The following LINGO1 variants were observed in gnomAD, a reference collection of about 807,000 sequenced individuals.
The protein encoded by LINGO1 is leucine-rich repeat and immunoglobulin-like domain-containing nogo receptor-interacting protein 1.
In LINGO1, 11 loss-of-function variants were observed where a neutral mutation model predicts 37.3. That is an observed-to-expected ratio of 0.29 (90% confidence interval 0.19 to 0.49). LINGO1 has a LOEUF of 0.49. Among genes scored for constraint, LINGO1 ranks in the 20% least tolerant of loss-of-function variants. LINGO1 has a pLI of 0.99. For synonymous variants in LINGO1, 387 were observed against 403.0 expected (o/e 0.96, Z 0.48); for missense variants, 585 against 878.2 (o/e 0.67, Z 4.22).
chr15:77,757,042 G>A (rs2141375760), intron 1 of LINGO1, among the ~76,000 whole-genome samples: 1 of 152,314 alleles, frequency 6.6e-6, no homozygotes, highest in African/African-American at 2.4e-5. Context: ...TGAAGCCCAA[G>A]CCTGGGAAGG....
At chr15:77,768,211 G>A (rs1283444111) in intron 1 of LINGO1, among the ~76,000 whole-genome samples, 1 of 151,980 alleles carries the variant, frequency 6.6e-6, no homozygotes, top group African/African-American at 2.4e-5. Flanking sequence ...CCACCCCTGT[G>A]GGGTTTCCAG....
intron 1 of LINGO1, among the ~76,000 whole-genome samples, chr15:77,804,960 C>A (rs2141469222): frequency 6.6e-6 from 1 of 152,322 alleles, no homozygotes; most frequent in African/African-American, 2.4e-5. Flanking sequence ...CAAGCCCAGG[C>A]CACATGGTCT....
At chr15:77,636,771 C>T (rs1053489439), upstream of LINGO1, among the ~76,000 whole-genome samples, 6 of 152,062 alleles carry the variant, frequency 3.9e-5, no homozygotes, top group African/African-American at 1.4e-4. Context: ...GGCCATGTAG[C>T]CTCCAGAAGC....
At chr15:77,744,790 G>A (rs1017483336) in intron 1 of LINGO1, among the ~76,000 whole-genome samples, 1 of 152,192 alleles carries the variant, frequency 6.6e-6, no homozygotes, top group East Asian at 1.9e-4. Flanking sequence ...GGCTCCAGAG[G>A]CCTCACCCTT....
chr15:77,732,963 G>A (rs1000866093), intron 2 of LINGO1, among the ~76,000 whole-genome samples: 1 of 152,182 alleles, frequency 6.6e-6, no homozygotes, highest in Non-Finnish European at 1.5e-5. Context: ...GCCACGGCCG[G>A]CCTCCTGGAT....
chr15:77,744,892 G>T (rs2076298175), intron 1 of LINGO1, among the ~76,000 whole-genome samples: 1 of 148,370 alleles, frequency 6.7e-6, no homozygotes. Flanking sequence ...AAAGCAGGGG[G>T]ATGACTTGAG....
chr15:77,779,114 C>A (rs1222874214), intron 1 of LINGO1, among the ~76,000 whole-genome samples: 1 of 152,138 alleles, frequency 6.6e-6, no homozygotes, highest in Non-Finnish European at 1.5e-5. Flanking sequence ...GACCTCAACA[C>A]CCCACTTTAC....
At chr15:77,660,193 C>T (rs983292509) in intron 3 of LINGO1, 1 of 152,188 alleles carries the variant, frequency 6.6e-6, no homozygotes. Context: ...GGTAAATAGG[C>T]TTAGAAATGG....
Position 77,615,280 on chromosome 15 carries a change from C to T in LINGO1, c.627G>A (p.Glu209=). 1 of 1,613,710 alleles carries T rather than the reference C, an allele frequency of 6.2e-7. No homozygotes were observed. The highest frequency in any genetic ancestry group is 2.2e-5 in the East Asian group (1 of 44,848). The change falls in exon 2 of 2, where the codon GAG becomes GAA. Residue 209 remains glutamate (E), a synonymous_variant. Coordinates refer to ENST00000355300, the MANE Select transcript of LINGO1 (RefSeq NM_032808.7). ...TGAGGCCGTGCAGGTGGGACAGCGC[C>T]TCGGTGGGGATGGAGGTCAGGTTGC... ...EKCNLTSIPT[E]ALSHLHGLIV...
At chr15:77,685,547 G>A (rs1385100691) in intron 2 of LINGO1, among the ~76,000 whole-genome samples, 1 of 152,108 alleles carries the variant, frequency 6.6e-6, no homozygotes, top group African/African-American at 2.4e-5. Flanking sequence ...ATTCAAACAC[G>A]TAGAATCCTT....
At chr15:77,714,512 C>A (rs938441337) in intron 2 of LINGO1, among the ~76,000 whole-genome samples, 1 of 152,146 alleles carries the variant, frequency 6.6e-6, no homozygotes, top group Non-Finnish European at 1.5e-5. Context: ...GCCTCCTCAT[C>A]CCCCTCACGG....
chr15:77,641,727 G>A (rs914222167), intron 3 of LINGO1: 1 of 398,688 alleles, frequency 2.5e-6, no homozygotes, highest in South Asian at 1.8e-5. Flanking sequence ...GTCAGGTGGT[G>A]CTGGGAGAGA....
Position 77,714,518 on chromosome 15 carries a change from C to T in LINGO1, c.-195+20474G>A, listed in dbSNP as rs1038721694. On this transcript the variant is annotated intron_variant, in intron 2 of 3. Transcript: ENST00000561686. ...TGCCACATAGCCTCCTCATCCCCCTCACGGTCCTCCCACAGGTGCTCCCTC... is the reference window on the plus strand; with the variant it reads ...TGCCACATAGCCTCCTCATCCCCCTTACGGTCCTCCCACAGGTGCTCCCTC... Among the ~76,000 whole-genome samples, 10 of 152,280 alleles carry T rather than the reference C, an allele frequency of 6.6e-5. No homozygotes were observed. The East Asian group carries it at 1.9e-3, about 29-fold the overall frequency.
chr15:77,677,245 T>A (rs2075343394), intron 2 of LINGO1: 1 of 152,614 alleles, frequency 6.6e-6, no homozygotes, highest in African/African-American at 2.4e-5. Context: ...GAGGCCCACC[T>A]CAGCACAGCT....
Position 77,631,844 on chromosome 15 carries a change from C to A in LINGO1, c.6+466G>T, listed in dbSNP as rs1037448884. Among the ~76,000 whole-genome samples the A allele has an allele frequency of 2.0e-5, 3 of 152,234 alleles. No individual in the cohort carries two copies. The East Asian group carries it at 5.8e-4, about 29-fold the overall frequency. On this transcript the variant is annotated intron_variant, in intron 1 of 1. Coordinates refer to ENST00000355300, the MANE Select transcript of LINGO1 (RefSeq NM_032808.7). Reference sequence around the variant, plus strand: ...GTGTGGTGGGGAGCTGCCATCCAGGCTGGAGCTTGTGGAGAAACCCAGCCC... The same window carrying A: ...GTGTGGTGGGGAGCTGCCATCCAGGATGGAGCTTGTGGAGAAACCCAGCCC...
At chr15:77,704,092 A>C (rs1567535036) in intron 2 of LINGO1, among the ~76,000 whole-genome samples, 1 of 152,186 alleles carries the variant, frequency 6.6e-6, no homozygotes, top group Non-Finnish European at 1.5e-5. Context: ...TCATCCTGTA[A>C]GATGAGGGCA....
At chr15:77,744,342 T>C (rs2076292489) in intron 1 of LINGO1, among the ~76,000 whole-genome samples, 1 of 152,096 alleles carries the variant, frequency 6.6e-6, no homozygotes, top group Admixed American at 6.5e-5. Flanking sequence ...AAAACCAGTC[T>C]GGGCAACATA....
intron 3 of LINGO1, among the ~76,000 whole-genome samples, chr15:77,657,468 C>G (rs1019662444): frequency 2.6e-5 from 4 of 152,230 alleles, no homozygotes; most frequent in Non-Finnish European, 5.9e-5. Flanking sequence ...AACTCCCCAT[C>G]TTGATCCCTC....
At chr15:77,777,560 A>G (rs1323797216) in intron 1 of LINGO1, among the ~76,000 whole-genome samples, 1 of 152,076 alleles carries the variant, frequency 6.6e-6, no homozygotes, top group African/African-American at 2.4e-5. Context: ...CTGTCACTGT[A>G]TTAGTGTCCT....
Sources: allele counts gnomAD v4.1 joint callset (sites outside exome capture counted in the v4.1 genomes callset), GRCh38; gene constraint gnomAD v4.1.1; transcripts MANE v1.5; gene names NCBI Gene and HGNC (gene_info 2026-07-23, HGNC 2026-07-21).